BBS9: variants seen among roughly 807,000 people sequenced by gnomAD.
BBS9 encodes the protein protein PTHB1.
BBS9 carries 89 observed loss-of-function variants against 117.7 expected under a neutral mutation model. That is an observed-to-expected ratio of 0.76 (90% CI 0.64 to 0.90). BBS9 has a LOEUF of 0.90. BBS9 is among the 40% of genes least tolerant of loss of function. The pLI is 0.00. For missense variants in BBS9, 982 were observed against 1,042.2 expected (o/e 0.94, Z 0.80); for synonymous variants, 379 against 370.9 (o/e 1.02, Z -0.25).
chr7:33,521,571 A>G (rs1436188804), intron 20 of BBS9, among the ~76,000 whole-genome samples: 2 of 152,174 alleles, frequency 1.3e-5, no homozygotes, highest in Non-Finnish European at 1.5e-5. Flanking sequence ...TTACATGTGG[A>G]ATTTTCTTCA....
At chr7:33,491,513 T>C (rs1170202317) in intron 19 of BBS9, among the ~76,000 whole-genome samples, 1 of 152,190 alleles carries the variant, frequency 6.6e-6, no homozygotes, top group Non-Finnish European at 1.5e-5. Flanking sequence ...GCTACCCTTC[T>C]AGGATGTACC....
rs146947854 is a variant in BBS9, at chr7:33,348,993, G to C, written c.1330-75G>C. 1.5e-5 allele frequency: 16 copies of C among 1,038,858 alleles called. No individual in the cohort carries two copies. In the East Asian group the frequency reaches 1.7e-4, roughly 11 times the overall value. The allele number at this position is 1,038,858 out of a possible 1,614,324, so 64.4% of individuals were successfully genotyped here. A position where few individuals can be genotyped will look rare whatever the true frequency, so the allele number is the denominator to read the frequency against. On this transcript the variant is annotated intron_variant, in intron 12 of 22. Transcript: ENST00000242067. ...TATTTTCTAATTATTTGCTAGTTATGTTTAAGTAGTTACGATAGTCTATCA... is the reference window on the plus strand; with the variant it reads ...TATTTTCTAATTATTTGCTAGTTATCTTTAAGTAGTTACGATAGTCTATCA...
Position 33,474,926 on chromosome 7 carries a change from A to G in BBS9, c.2116-30537A>G, listed in dbSNP as rs1183917390. Reference sequence around the variant, plus strand: ...CGCCATTGCACTCCAGCCTGGTGACAGTGAGACTCCGTCTCAAACAAACAA... The same window carrying G: ...CGCCATTGCACTCCAGCCTGGTGACGGTGAGACTCCGTCTCAAACAAACAA... On this transcript the variant is annotated intron_variant, in intron 19 of 22. Coordinates refer to ENST00000242067, the MANE Select transcript of BBS9 (RefSeq NM_198428.3). Among the ~76,000 whole-genome samples the G allele has an allele frequency of 3.9e-5, 6 of 152,326 alleles. No individual in the cohort carries two copies. In the East Asian group the frequency reaches 7.7e-4, roughly 20 times the overall value.
At chr7:33,136,338 G>A (rs889081347) in intron 1 of BBS9, among the ~76,000 whole-genome samples, 2 of 152,092 alleles carry the variant, frequency 1.3e-5, no homozygotes, top group African/African-American at 4.8e-5. Flanking sequence ...CAATTTGGAA[G>A]CCTTTTATTT....
chr7:33,162,317 T>C (rs963158180), intron 4 of BBS9, among the ~76,000 whole-genome samples: 1 of 152,206 alleles, frequency 6.6e-6, no homozygotes, highest in African/African-American at 2.4e-5. Context: ...CTTTTCCCCA[T>C]TTCTTGTTTT....
rs556717109 is a variant in BBS9 at position 33,461,754 on chromosome 7, C to A, written c.2116-43709C>A. On this transcript the variant is annotated intron_variant, in intron 19 of 22. Coordinates refer to ENST00000242067, the MANE Select transcript of BBS9 (RefSeq NM_198428.3). The stretch of plus-strand genomic sequence containing the variant: ...TCTGAATGGGAAGAAAAGAGATCTG[C>A]ATTTGACAGTTACCTATGAAATAGA... Among the ~76,000 whole-genome samples the A allele has an allele frequency of 2.0e-5, 3 of 152,122 alleles. No individual in the cohort carries two copies. In the South Asian group the frequency reaches 6.2e-4, roughly 32 times the overall value.
chr7:33,316,116 C>T (rs1297647932), intron 9 of BBS9, among the ~76,000 whole-genome samples: 1 of 152,152 alleles, frequency 6.6e-6, no homozygotes, highest in Non-Finnish European at 1.5e-5. Context: ...TTAATAATCC[C>T]CTCTTGCCTG....
chr7:33,220,410 A>C (rs563988469), intron 5 of BBS9, among the ~76,000 whole-genome samples: 87 of 152,294 alleles, frequency 5.7e-4, no homozygotes, highest in Middle Eastern at 3.4e-3. Context: ...TGAGATTGCG[A>C]TGTTGAGGTT....
In BBS9 at chr7:33,273,196, G is replaced by A; in HGVS notation, c.886+1G>A. 1 of 1,613,516 alleles carries A rather than the reference G, an allele frequency of 6.2e-7. No homozygotes were observed. Among genetic ancestry groups the A allele is most frequent in the Non-Finnish European group, 8.5e-7 (1 of 1,179,690 alleles). ...AGTTGTTTTCTGCCATATTGCTCAG[G>A]TGTGTAGAAAGATTTTCTTTTATCT... On this transcript the variant is annotated splice_donor_variant, in intron 8 of 22. Transcript: ENST00000242067. LOFTEE classifies it high-confidence loss of function.
chr7:33,262,367 AG>A (rs1204310495), intron 6 of BBS9, among the ~76,000 whole-genome samples: 1 of 152,156 alleles, frequency 6.6e-6, no homozygotes, highest in African/African-American at 2.4e-5. Context: ...ATCCCTTGGC[AG>A]GTTGGTTTCT....
chr7:33,303,950 G>A (rs1236071583), intron 9 of BBS9, among the ~76,000 whole-genome samples: 1 of 151,976 alleles, frequency 6.6e-6, no homozygotes, highest in Non-Finnish European at 1.5e-5. Flanking sequence ...AGTGAGGAGT[G>A]TCTCTGCCTG....
chr7:33,195,069 A>G (rs1458037592), intron 5 of BBS9, among the ~76,000 whole-genome samples: 1 of 152,170 alleles, frequency 6.6e-6, no homozygotes, highest in East Asian at 1.9e-4. Context: ...ACTGTTATTT[A>G]ATTGCCTTGC....
rs149441871 is a variant in BBS9, at chr7:33,559,233, A to G, written c.2521+25057A>G. On this transcript the variant is annotated intron_variant, in intron 21 of 22. Transcript: ENST00000242067. ...AGAAGACTAGGAATAAACACTGCAC[A>G]GCTGTTGGGTAAAGCACTATGATAA... 1.4e-4 allele frequency among the ~76,000 whole-genome samples: 22 copies of G among 152,320 alleles called. No individual in the cohort carries two copies. In the East Asian group the frequency reaches 4.1e-3, roughly 28 times the overall value.
chr7:33,442,239 T>C (rs1458898887), intron 19 of BBS9, among the ~76,000 whole-genome samples: 1 of 152,184 alleles, frequency 6.6e-6, no homozygotes, highest in East Asian at 1.9e-4. Flanking sequence ...AGTTTGACAG[T>C]TGAATCCATG....
chr7:33,529,215 C>T (rs1327055690), intron 20 of BBS9, among the ~76,000 whole-genome samples: 1 of 152,178 alleles, frequency 6.6e-6, no homozygotes, highest in Non-Finnish European at 1.5e-5. Flanking sequence ...TCTGCACAGG[C>T]TGGTAAGATG....
chr7:33,262,114 T>C (rs893199875), intron 6 of BBS9, among the ~76,000 whole-genome samples: 4 of 152,302 alleles, frequency 2.6e-5, no homozygotes, highest in Admixed American at 2.6e-4. Flanking sequence ...ATCATCTAAT[T>C]TTACTGTCAA....
chr7:33,184,878 G>T (rs185831217), intron 5 of BBS9, among the ~76,000 whole-genome samples: 10 of 152,294 alleles, frequency 6.6e-5, no homozygotes, highest in Admixed American at 6.5e-4. Flanking sequence ...AGCCCTGAGG[G>T]CTGCTGATTG....
At chr7:33,347,521 T>G (rs150042156) in intron 12 of BBS9, among the ~76,000 whole-genome samples, 18 of 152,126 alleles carry the variant, frequency 1.2e-4, no homozygotes, top group Non-Finnish European at 2.1e-4. Context: ...ATTTACAAAG[T>G]AAAAATTGAG....
intron 19 of BBS9, among the ~76,000 whole-genome samples, chr7:33,491,962 G>A (rs1427133554): frequency 6.6e-6 from 1 of 152,060 alleles, no homozygotes; most frequent in Admixed American, 6.5e-5. Context: ...CACTTTGGGA[G>A]GCTAAGGTGG....
Sources: gnomAD v4.1 joint callset for allele counts (sites outside exome capture counted in the v4.1 genomes callset) on GRCh38, gnomAD v4.1.1 for gene constraint, MANE v1.5 for transcripts, NCBI Gene and HGNC (gene_info 2026-07-23, HGNC 2026-07-21) for gene names.